Variants in LITAF observed in about 807,000 individuals in gnomAD.
LITAF encodes lipopolysaccharide induced TNF factor.
LITAF carries 9 observed loss-of-function variants against 14.5 expected under a neutral mutation model. The ratio of observed to expected loss-of-function variants is 0.62; its 90% CI spans 0.37 to 1.08. LITAF has a LOEUF of 1.08. Ranked by LOEUF, LITAF falls within the 50% of genes least tolerant of loss-of-function variation. The pLI, the probability that LITAF is intolerant of heterozygous loss-of-function variation, is 0.01. For missense variants in LITAF, 206 were observed against 213.4 expected (o/e 0.97, Z 0.22); for synonymous variants, 98 against 88.2 (o/e 1.11, Z -0.62).
intron 1 of LITAF, among the ~76,000 whole-genome samples, chr16:11,597,157 G>A (rs896820867): frequency 6.6e-5 from 10 of 152,062 alleles, no homozygotes; most frequent in Non-Finnish European, 1.3e-4. Context: ...ACAAGATAGC[G>A]GTCCCAACTC....
At chr16:11,638,110 C>CTATA (rs1567271192), upstream of LITAF, among the ~76,000 whole-genome samples, 1 of 60,812 alleles carries the variant, frequency 1.6e-5, no homozygotes, top group Non-Finnish European at 2.9e-5. Context: ...ATATATATAT[C>CTATA]TATCTATATA....
chr16:11,601,882 C>T (rs1161856910), upstream of LITAF, among the ~76,000 whole-genome samples: 1 of 152,174 alleles, frequency 6.6e-6, no homozygotes, highest in Non-Finnish European at 1.5e-5. Flanking sequence ...GTCCAGAATT[C>T]CACCCTGGGA....
At chr16:11,557,067 T>TA (rs2064282685) in intron 1 of LITAF, among the ~76,000 whole-genome samples, 1 of 93,382 alleles carries the variant, frequency 1.1e-5, no homozygotes, top group African/African-American at 4.4e-5. Flanking sequence ...CTTCGTTGTT[T>TA]TTTTTTGTTT....
At chr16:11,619,058 C>G (rs995048047) in intron 3 of LITAF, among the ~76,000 whole-genome samples, 6 of 150,740 alleles carry the variant, frequency 4.0e-5, no homozygotes, top group Non-Finnish European at 1.5e-5. Context: ...CGCCTGTAAT[C>G]CCAGCACTTT....
chr16:11,615,699 TA>T (rs1234558927), intron 3 of LITAF, among the ~76,000 whole-genome samples: 1 of 151,916 alleles, frequency 6.6e-6, no homozygotes, highest in Non-Finnish European at 1.5e-5. Flanking sequence ...AATAAAATAA[TA>T]AAAAAAGAAA....
intron 1 of LITAF, among the ~76,000 whole-genome samples, chr16:11,576,768 C>T (rs191755732): frequency 6.4e-4 from 98 of 152,176 alleles, no homozygotes; most frequent in African/African-American, 2.0e-3. Context: ...TTCATAGTTG[C>T]CGTGGGCGCC....
rs1444042065 is a variant in LITAF, at chr16:11,553,862, C to T, written c.221-173G>A. 5 of 675,030 alleles carry T rather than the reference C, an allele frequency of 7.4e-6. No homozygotes were observed. Among genetic ancestry groups the T allele is most frequent in the South Asian group, 3.5e-5 (2 of 57,868 alleles). 41.8% of individuals were successfully genotyped at this position (675,030 alleles called of 1,614,324 possible). On this transcript the variant is annotated intron_variant, in intron 2 of 3. Coordinates refer to ENST00000622633, the MANE Select transcript of LITAF (RefSeq NM_001136472.2). The surrounding 1 kb of genome is among the most constrained non-coding windows in gnomAD (Gnocchi z 7.7). Reference sequence around the variant, plus strand: ...CTATGAGAGCCAAAAGGGGAAGGAACACCAGTGTCCATCGACGGACCAATA... The same window carrying T: ...CTATGAGAGCCAAAAGGGGAAGGAATACCAGTGTCCATCGACGGACCAATA...
chr16:11,634,587 C>T lies in LITAF; in HGVS notation c.-20-950G>A, dbSNP rs114500109. 4.6e-3 allele frequency among the ~76,000 whole-genome samples: 704 copies of T among 152,264 alleles called. 9 individuals carry two copies. Among genetic ancestry groups the T allele is most frequent in the African/African-American group, 0.016 (670 of 41,540 alleles). ...TCTTCTCAGGTTTTTGCATTTCTGA[C>T]GATCCACTGAGGACTCAGTGCACAT... On this transcript the variant is annotated intron_variant, in intron 2 of 3. Transcript: ENST00000574848. This position sits in a 1 kb window ranked among gnomAD's most constrained non-coding sequence, Gnocchi z 4.1.
At chr16:11,606,659 A>G (rs1264355676) in intron 3 of LITAF, among the ~76,000 whole-genome samples, 2 of 151,876 alleles carry the variant, frequency 1.3e-5, no homozygotes, top group African/African-American at 4.8e-5. Context: ...GCCTGCAGCC[A>G]CAAAACTACA....
upstream of LITAF, chr16:11,587,325 C>T (rs1000559148): frequency 1.8e-5 from 8 of 448,294 alleles, no homozygotes; most frequent in Non-Finnish European, 2.7e-5. Context: ...TTCCAGGCGG[C>T]GGGACCACCA....
At chr16:11,627,811 T>C (rs549086507) in intron 3 of LITAF, among the ~76,000 whole-genome samples, 14 of 152,128 alleles carry the variant, frequency 9.2e-5, no homozygotes, top group African/African-American at 3.4e-4. Flanking sequence ...GCCACTGTGC[T>C]CCAGCCTGGG....
At chr16:11,586,958 G>A (rs889255830), upstream of LITAF, 1 of 151,212 alleles carries the variant, frequency 6.6e-6, no homozygotes, top group Non-Finnish European at 1.5e-5. The surrounding 1 kb of genome is among the most constrained non-coding windows in gnomAD (Gnocchi z 6.5). Flanking sequence ...AGGGCCGGGC[G>A]GCGGGGACGG....
rs1369990539 is a variant in LITAF, at chr16:11,586,855, C to T, written c.-6+31G>A. 6.6e-6 allele frequency: 1 copy of T among 152,268 alleles called. No individual in the cohort carries two copies. The highest frequency in any genetic ancestry group is 2.4e-5 in the African/African-American group (1 of 41,324). 9.4% of individuals were successfully genotyped at this position (152,268 alleles called of 1,614,324 possible). A position where few individuals can be genotyped will look rare whatever the true frequency, so the allele number is the denominator to read the frequency against. On this transcript the variant is annotated intron_variant, in intron 1 of 3. Coordinates refer to ENST00000622633, the MANE Select transcript of LITAF (RefSeq NM_001136472.2). The surrounding 1 kb of genome is among the most constrained non-coding windows in gnomAD (Gnocchi z 6.5). ...GCCCCCCGCTGTCTCCCGCTGGTCC[C>T]CGCGCCCCGGCGTCCCCGCGCCGCA...
At chr16:11,618,656 T>A (rs1597373268) in intron 3 of LITAF, among the ~76,000 whole-genome samples, 1 of 150,986 alleles carries the variant, frequency 6.6e-6, no homozygotes, top group South Asian at 2.1e-4. Context: ...TTTCTGGGGG[T>A]GGGGAGGGGG....
chr16:11,567,090 G>A (rs994119387), intron 1 of LITAF, among the ~76,000 whole-genome samples: 3 of 152,196 alleles, frequency 2.0e-5, no homozygotes, highest in Middle Eastern at 3.2e-3. Flanking sequence ...GGCACCCTAG[G>A]ATGTCCAGGC....
In LITAF at chr16:11,547,928, G is replaced by T. The variant is rs187522232; in HGVS notation, c.*1709C>A. ...TTTCTACCGTTACTGAACAAATAAA[G>T]GTTCTTTGTAGCAATGGCTGGAAAT... is the stretch of plus-strand genomic sequence containing the variant. On this transcript the variant is annotated 3_prime_UTR_variant, in exon 4 of 4. Transcript: ENST00000622633. 3.3e-5 allele frequency: 15 copies of T among 454,030 alleles called. No homozygotes were observed. The highest frequency in any genetic ancestry group is 2.8e-4 in the Admixed American group (12 of 42,560). The allele number at this position is 454,030 out of a possible 1,614,324, so 28.1% of individuals were successfully genotyped here.
chr16:11,609,415 T>C (rs1384186380), intron 3 of LITAF, among the ~76,000 whole-genome samples: 1 of 152,060 alleles, frequency 6.6e-6, no homozygotes, highest in Non-Finnish European at 1.5e-5. Context: ...GGTTTCACCA[T>C]GTTGGCCAGG....
chr16:11,598,066 C>T (rs935056075), intron 1 of LITAF, among the ~76,000 whole-genome samples: 2 of 152,092 alleles, frequency 1.3e-5, no homozygotes, highest in Non-Finnish European at 2.9e-5. Flanking sequence ...CCACCACGCC[C>T]GGGTAATTTT....
intron 3 of LITAF, among the ~76,000 whole-genome samples, chr16:11,609,908 G>A (rs915608778): frequency 4.6e-5 from 7 of 152,210 alleles, no homozygotes; most frequent in Admixed American, 2.6e-4. Context: ...AGGCCTGGAT[G>A]CTGAAATCAC....
Sources: gnomAD v4.1 joint callset for allele counts (sites outside exome capture counted in the v4.1 genomes callset) on GRCh38, gnomAD v4.1.1 for gene constraint, Gnocchi (gnomAD v3.1) non-coding constraint, MANE v1.5 for transcripts, NCBI Gene and HGNC (gene_info 2026-07-23, HGNC 2026-07-21) for gene names.